Variants in THBS4 observed in about 807,000 individuals in gnomAD.
THBS4 encodes the protein thrombospondin-4.
A neutral mutation model predicts 115.7 loss-of-function variants in THBS4; 90 were observed. The observed-to-expected ratio is 0.78, with a 90% CI of 0.66 to 0.93. The LOEUF (loss-of-function observed/expected upper bound fraction) is 0.93. Ranked by LOEUF, THBS4 falls within the 40% of genes least tolerant of loss-of-function variation. The probability of loss-of-function intolerance (pLI) is 0.00; values close to 1 mark genes in which losing one functional copy is unlikely to be tolerated. For synonymous variants in THBS4, 460 were observed against 479.3 expected, an observed-to-expected ratio of 0.96 and a Z score of 0.53; for missense variants, 1,087 against 1,232.7, an observed-to-expected ratio of 0.88 and a Z score of 1.77.
At chr5:80,072,256 AG>A in intron 13 of THBS4, 21 bp from the exon 14 acceptor site, 5 of 1,605,964 alleles carry the variant, frequency 3.1e-6, no homozygotes, top group Non-Finnish European at 4.3e-6. Context: ...CCCTGACTCA[AG>A]GTAGCATTTC....
chr5:80,065,763 T>C (rs1833797298), intron 9 of THBS4, among the ~76,000 whole-genome samples: 1 of 152,240 alleles, frequency 6.6e-6, no homozygotes, highest in Non-Finnish European at 1.5e-5. Context: ...TTATTACTCC[T>C]GTATTTTAAA....
intron 15 of THBS4, chr5:80,076,017 C>T (rs1358511045): frequency 1.3e-5 from 2 of 152,246 alleles, no homozygotes; most frequent in Non-Finnish European, 2.9e-5. Context: ...AAGGAGTGCT[C>T]ATTCTTTTCC....
In THBS4 at chr5:80,056,011, G is replaced by GA. The variant is rs767525129; in HGVS notation, c.520dup (p.Thr174AsnfsTer36). The GA allele has an allele frequency of 4.3e-6, 7 of 1,609,298 alleles. No homozygotes were observed. The highest frequency in any genetic ancestry group is 5.9e-6 in the Non-Finnish European group (7 of 1,177,268). On this transcript the variant is annotated frameshift_variant, in exon 3 of 22. Transcript: ENST00000350881. LOFTEE classifies it high-confidence loss of function. ...AGAAACCTGAGACCATTGAATTGAGGACTTTCCAGAGGAAGCCACAGGTAG... is the reference window on the plus strand; with the variant it reads ...AGAAACCTGAGACCATTGAATTGAGGAACTTTCCAGAGGAAGCCACAGGTAG...
chr5:80,067,886 G>A, intron 9 of THBS4, 87 bp from the exon 10 acceptor site: 1 of 1,495,564 alleles, frequency 6.7e-7, no homozygotes, highest in South Asian at 1.3e-5. Flanking sequence ...GAGTACCTGT[G>A]AAAATATACA....
chr5:80,011,380 A>C (rs1832122700), intron 2 of THBS4, among the ~76,000 whole-genome samples: 1 of 152,118 alleles, frequency 6.6e-6, no homozygotes, highest in African/African-American at 2.4e-5. Context: ...TAGAACAGCC[A>C]CCATAGTTGC....
intron 2 of THBS4, among the ~76,000 whole-genome samples, chr5:80,044,165 T>C (rs1259121478): frequency 6.6e-6 from 1 of 152,222 alleles, no homozygotes; most frequent in Non-Finnish European, 1.5e-5. Flanking sequence ...TCATCTTAGC[T>C]CACCTTGTAC....
intron 2 of THBS4, among the ~76,000 whole-genome samples, chr5:80,027,072 A>T (rs1241801909): frequency 1.3e-5 from 2 of 152,224 alleles, no homozygotes; most frequent in African/African-American, 2.4e-5. Flanking sequence ...GTGGCCAATC[A>T]TGTGGACATT....
intron 2 of THBS4, among the ~76,000 whole-genome samples, chr5:80,019,255 A>T (rs1032781816): frequency 5.9e-5 from 9 of 152,204 alleles, no homozygotes; most frequent in African/African-American, 1.9e-4. Flanking sequence ...TAGAGCCTGG[A>T]TTCTTCAAAA....
At chr5:80,054,482 G>A (rs763290106) in intron 2 of THBS4, among the ~76,000 whole-genome samples, 3 of 151,974 alleles carry the variant, frequency 2.0e-5, no homozygotes, top group Non-Finnish European at 4.4e-5. Context: ...CACCATGCCT[G>A]GCTAATTTTT....
At chr5:80,001,410 A>C (rs1580900838) in intron 2 of THBS4, among the ~76,000 whole-genome samples, 1 of 152,320 alleles carries the variant, frequency 6.6e-6, no homozygotes, top group East Asian at 1.9e-4. Flanking sequence ...AAGTTTACTA[A>C]ATGCTGGCAC....
At chr5:80,012,867 A>T (rs554679250) in intron 2 of THBS4, among the ~76,000 whole-genome samples, 81 of 152,216 alleles carry the variant, frequency 5.3e-4, no homozygotes, top group African/African-American at 1.9e-3. Flanking sequence ...GTGTTTGAAA[A>T]TCTCTACCCC....
rs143207566 is a variant in THBS4 at position 80,002,634 on chromosome 5, A to G, written n.177+4207A>G. On this transcript the variant is annotated intron_variant and non_coding_transcript_variant, in intron 2 of 3. Transcript: ENST00000510218. ...CTTGGTGCAGAGTGCAGGGAGAGAG[A>G]GCATTTCATATTCAAGAAGAAATTG... is the stretch of plus-strand genomic sequence containing the variant. Among the ~76,000 whole-genome samples, 34 of 151,768 alleles carry G rather than the reference A, an allele frequency of 2.2e-4. No individual in the cohort carries two copies. The East Asian group carries it at 6.2e-3, about 28-fold the overall frequency.
chr5:79,996,628 A>G (rs987553588), intron 1 of THBS4, among the ~76,000 whole-genome samples: 3 of 152,196 alleles, frequency 2.0e-5, no homozygotes, highest in African/African-American at 7.2e-5. Flanking sequence ...AAGTTCATGT[A>G]TTTGGTAGCT....
intron 20 of THBS4, chr5:80,082,147 GAGAC>G (rs1743539807): frequency 4.7e-6 from 2 of 423,262 alleles, no homozygotes; most frequent in African/African-American, 4.0e-5. Flanking sequence ...GGCCTTGTGA[GAGAC>G]AGAAGTTGGG....
intron 20 of THBS4, among the ~76,000 whole-genome samples, chr5:80,081,643 T>TCAAA (rs1436130472): frequency 6.6e-6 from 1 of 152,232 alleles, no homozygotes; most frequent in African/African-American, 2.4e-5. Context: ...ATGTTAATTT[T>TCAAA]CAAACAAATT....
At chr5:80,041,741 T>A (rs1448650626) in intron 2 of THBS4, among the ~76,000 whole-genome samples, 1 of 152,222 alleles carries the variant, frequency 6.6e-6, no homozygotes, top group Non-Finnish European at 1.5e-5. Flanking sequence ...ACAACACCTG[T>A]TCCTGTTTAT....
At chr5:80,082,284 A>G in intron 20 of THBS4, 122 bp from the exon 21 acceptor site, 1 of 1,343,256 alleles carries the variant, frequency 7.4e-7, no homozygotes, top group Middle Eastern at 2.7e-4. Context: ...CGAAAAATGG[A>G]GCCTAAAACA....
At chr5:80,013,116 T>G (rs1487019049) in intron 2 of THBS4, among the ~76,000 whole-genome samples, 1 of 152,080 alleles carries the variant, frequency 6.6e-6, no homozygotes, top group Non-Finnish European at 1.5e-5. Flanking sequence ...GTAATTTCTT[T>G]GTTTTGTTTT....
intron 2 of THBS4, among the ~76,000 whole-genome samples, chr5:80,017,426 A>G (rs1305085574): frequency 6.6e-6 from 1 of 152,174 alleles, no homozygotes; most frequent in African/African-American, 2.4e-5. Context: ...TAAATAATGC[A>G]TCCTCTGTCT....
Sources: allele counts gnomAD v4.1 joint callset (sites outside exome capture counted in the v4.1 genomes callset), GRCh38; gene constraint gnomAD v4.1.1; transcripts MANE v1.5; gene names NCBI Gene and HGNC (gene_info 2026-07-23, HGNC 2026-07-21).